NRG3: variants seen among roughly 807,000 people sequenced by gnomAD.
NRG3 encodes the protein pro-neuregulin-3, membrane-bound isoform.
In NRG3, 31 loss-of-function variants were observed where a neutral mutation model predicts 66.9. The ratio of observed to expected loss-of-function variants is 0.46; its 90% CI spans 0.35 to 0.63. The LOEUF is 0.63. Ranked by LOEUF, NRG3 falls within the 20% of genes least tolerant of loss-of-function variation. The pLI is 0.00. For synonymous variants in NRG3, 393 were observed against 359.4 expected (o/e 1.09, Z -1.06); for missense variants, 910 against 878.9 (o/e 1.04, Z -0.45).
At chr10:82,470,612 G>A (rs1189644036) in intron 2 of NRG3, among the ~76,000 whole-genome samples, 3 of 152,204 alleles carry the variant, frequency 2.0e-5, no homozygotes, top group Admixed American at 2.0e-4. Flanking sequence ...TGATAAGCTG[G>A]AGGCAGGTTC....
At chr10:82,236,710 CTTTTTT>C (rs370359467) in intron 1 of NRG3, among the ~76,000 whole-genome samples, 7 of 93,504 alleles carry the variant, frequency 7.5e-5, no homozygotes, top group Non-Finnish European at 7.7e-5. Flanking sequence ...AAAACTAGAA[CTTTTTT>C]TTTTTTTTTT....
chr10:82,334,323 G>A (rs1589753544), intron 1 of NRG3, among the ~76,000 whole-genome samples: 1 of 152,090 alleles, frequency 6.6e-6, no homozygotes, highest in African/African-American at 2.4e-5. Flanking sequence ...TACATGCTGT[G>A]TATCAGGAGT....
intron 2 of NRG3, among the ~76,000 whole-genome samples, chr10:82,534,290 A>T (rs989902947): frequency 6.6e-5 from 10 of 151,098 alleles, no homozygotes; most frequent in African/African-American, 2.4e-4. Flanking sequence ...GAGACAGAGT[A>T]TCGCTGTATT....
At chr10:82,701,645 C>A (rs1490953686) in intron 2 of NRG3, among the ~76,000 whole-genome samples, 2 of 152,114 alleles carry the variant, frequency 1.3e-5, no homozygotes, top group Non-Finnish European at 2.9e-5. Context: ...ATAAAGCAAT[C>A]TTTTTGGATA....
chr10:82,008,581 A>G (rs1199069992), intron 1 of NRG3, among the ~76,000 whole-genome samples: 1 of 152,208 alleles, frequency 6.6e-6, no homozygotes. Context: ...GGATGTTGGT[A>G]CAGAGCTATT....
chr10:82,855,483 G>T (rs1416623683), intron 3 of NRG3, among the ~76,000 whole-genome samples: 1 of 151,852 alleles, frequency 6.6e-6, no homozygotes, highest in African/African-American at 2.4e-5. Flanking sequence ...CTGCAACCTC[G>T]ACTTCCCAGG....
intron 2 of NRG3, among the ~76,000 whole-genome samples, chr10:82,483,840 A>C (rs996052892): frequency 6.6e-6 from 1 of 152,184 alleles, no homozygotes; most frequent in African/African-American, 2.4e-5. Flanking sequence ...GTGTATGGGC[A>C]CAAACAAGGG....
intron 5 of NRG3, among the ~76,000 whole-genome samples, chr10:82,952,660 G>T (rs890988443): frequency 6.6e-6 from 1 of 151,642 alleles, no homozygotes; most frequent in Non-Finnish European, 1.5e-5. Context: ...CCTACAGCTT[G>T]TCTGAAATTC....
At chr10:82,782,308 G>A (rs190996957) in intron 3 of NRG3, among the ~76,000 whole-genome samples, 1 of 152,180 alleles carries the variant, frequency 6.6e-6, no homozygotes, top group African/African-American at 2.4e-5. Flanking sequence ...CCCTTCCCTT[G>A]TTCCTCTTTC....
At position 81,876,075 on chromosome 10, in the gene NRG3, T is replaced by C. The variant is rs779154421; in HGVS notation, c.735T>C (p.Ser245=). The change falls in exon 1 of 9, where the codon TCT becomes TCC. Residue 245 remains serine, a synonymous_variant. Transcript: ENST00000372141. Reference sequence around the variant, plus strand: ...ATTCTACTCCCTCCTGGACCCTGTCTCCCTTTCAGGATGCTGCCTCCTCTT... The same window carrying C: ...ATTCTACTCCCTCCTGGACCCTGTCCCCCTTTCAGGATGCTGCCTCCTCTT... ...LHDSTPSWTL[S]PFQDAASSSS... 1 of 1,613,836 alleles carries C rather than the reference T, an allele frequency of 6.2e-7. No homozygotes were observed.
intron 1 of NRG3, among the ~76,000 whole-genome samples, chr10:82,229,586 A>G (rs1212916966): frequency 6.6e-6 from 1 of 152,224 alleles, no homozygotes; most frequent in Non-Finnish European, 1.5e-5. Context: ...CAGGAAACTT[A>G]CAATCATGGC....
intron 2 of NRG3, among the ~76,000 whole-genome samples, chr10:82,658,938 A>G (rs1235901745): frequency 3.3e-5 from 5 of 152,222 alleles, no homozygotes; most frequent in East Asian, 3.8e-4. Context: ...TAGGCTTTAC[A>G]GTTTTTATTT....
At chr10:82,581,490 A>G (rs2046352870) in intron 2 of NRG3, among the ~76,000 whole-genome samples, 1 of 151,950 alleles carries the variant, frequency 6.6e-6, no homozygotes. Context: ...TTTCTTTCAT[A>G]GATGGTACTT....
Position 82,985,267 on chromosome 10 carries a change from A to C in NRG3, c.1753A>C (p.Thr585Pro), listed in dbSNP as rs757686427. ...CATCCCTTCAGTGGGTTTAGAGGAA[A>C]CCTGCCTGCAAATGCCAGGGATTTC... ...PIIPSVGLEETCLQMPGISEV... is the reference protein window; with the variant it reads ...PIIPSVGLEEPCLQMPGISEV... The change falls in exon 9 of 9, where the codon ACC (threonine) becomes CCC (proline). Residue 585 changes from threonine (T) to proline (P), a missense_variant. By Grantham distance (38) the Thr-to-Pro change is conservative. Transcript: ENST00000372141. 6.2e-7 allele frequency: 1 copy of C among 1,614,132 alleles called. No homozygotes were observed. The highest frequency in any genetic ancestry group is 8.5e-7 in the Non-Finnish European group (1 of 1,180,014).
chr10:82,389,168 G>T (rs1323976442), intron 2 of NRG3, among the ~76,000 whole-genome samples: 1 of 152,196 alleles, frequency 6.6e-6, no homozygotes, highest in African/African-American at 2.4e-5. Flanking sequence ...TTAAGTATTT[G>T]TCTTTGTGTA....
At chr10:81,980,227 A>G (rs2060283679) in intron 1 of NRG3, among the ~76,000 whole-genome samples, 1 of 151,678 alleles carries the variant, frequency 6.6e-6, no homozygotes, top group African/African-American at 2.4e-5. Flanking sequence ...TTGATCATGA[A>G]TTATTGAAGT....
intron 1 of NRG3, among the ~76,000 whole-genome samples, chr10:81,938,056 C>A (rs901820696): frequency 6.6e-6 from 1 of 151,946 alleles, no homozygotes; most frequent in South Asian, 2.1e-4. Context: ...GTCATAAGAC[C>A]TGAGAGTTTA....
chr10:82,053,942 A>T (rs1361872759), intron 1 of NRG3, among the ~76,000 whole-genome samples: 1 of 152,216 alleles, frequency 6.6e-6, no homozygotes, highest in Non-Finnish European at 1.5e-5. Context: ...TGGAAAGCTC[A>T]TGGGGTGGAA....
At chr10:82,619,999 C>T (rs186381816) in intron 2 of NRG3, among the ~76,000 whole-genome samples, 5 of 152,276 alleles carry the variant, frequency 3.3e-5, no homozygotes, top group African/African-American at 7.2e-5. Context: ...ACTTGTGACA[C>T]GGATGCCCCA....
Sources: gnomAD v4.1 joint callset for allele counts (sites outside exome capture counted in the v4.1 genomes callset) on GRCh38, gnomAD v4.1.1 for gene constraint, MANE v1.5 for transcripts, NCBI Gene and HGNC (gene_info 2026-07-23, HGNC 2026-07-21) for gene names.